SPOCK3: variants seen among roughly 807,000 people sequenced by gnomAD.
SPOCK3 encodes SPARC (osteonectin), cwcv and kazal like domains proteoglycan 3.
A neutral mutation model predicts 56.6 loss-of-function variants in SPOCK3; 30 were observed. The ratio of observed to expected loss-of-function variants is 0.53; its 90% CI spans 0.40 to 0.72. The LOEUF is 0.72. Among genes scored for constraint, SPOCK3 ranks in the 30% least tolerant of loss-of-function variants. The probability of loss-of-function intolerance (pLI) is 0.00; values close to 1 mark genes in which losing one functional copy is unlikely to be tolerated. For missense variants in SPOCK3, 527 were observed against 530.0 expected (o/e 0.99, Z 0.06); for synonymous variants, 196 against 183.3 (o/e 1.07, Z -0.56).
chr4:167,027,322 G>A (rs1751785786), intron 3 of SPOCK3, among the ~76,000 whole-genome samples: 1 of 151,924 alleles, frequency 6.6e-6, no homozygotes, highest in Admixed American at 6.6e-5. Context: ...TTTTGTCAAT[G>A]TTTACATGTT....
chr4:166,892,215 T>C (rs998871988), intron 5 of SPOCK3, among the ~76,000 whole-genome samples: 2 of 151,984 alleles, frequency 1.3e-5, no homozygotes, highest in Admixed American at 1.3e-4. Context: ...TTGGCATAAT[T>C]ACAATTTAAA....
chr4:167,078,364 G>C (rs1757397345), intron 2 of SPOCK3, among the ~76,000 whole-genome samples: 1 of 113,052 alleles, frequency 8.8e-6, no homozygotes, highest in Admixed American at 9.1e-5. Context: ...GTGTGTGTGT[G>C]TGTGTTTGCA....
chr4:167,184,409 C>T (rs1731776121), intron 2 of SPOCK3, among the ~76,000 whole-genome samples: 3 of 152,240 alleles, frequency 2.0e-5, no homozygotes, highest in South Asian at 2.1e-4. Flanking sequence ...GGTACTCTGT[C>T]GTATCCAGCA....
chr4:167,038,335 G>A (rs1225496803), intron 3 of SPOCK3, among the ~76,000 whole-genome samples: 1 of 152,106 alleles, frequency 6.6e-6, no homozygotes, highest in Non-Finnish European at 1.5e-5. Flanking sequence ...TTATGTTTAC[G>A]GCTCACTTCA....
At position 167,203,515 on chromosome 4, in the gene SPOCK3, A is replaced by C. The variant is rs1733720215; in HGVS notation, c.189+30470T>G. Among the ~76,000 whole-genome samples the C allele has an allele frequency of 2.0e-5, 3 of 151,780 alleles. No individual in the cohort carries two copies. The South Asian group carries it at 6.2e-4, about 32-fold the overall frequency. On this transcript the variant is annotated intron_variant, in intron 2 of 10. Coordinates refer to ENST00000357545, the MANE Select transcript of SPOCK3 (RefSeq NM_001040159.2). ...ATATTTGTCACTGAAACCTGAGATG[A>C]GACTGCTTAGGAGATCACAGAAAAG...
At chr4:167,203,669 A>G (rs778241654) in intron 2 of SPOCK3, among the ~76,000 whole-genome samples, 7 of 152,186 alleles carry the variant, frequency 4.6e-5, no homozygotes, top group Non-Finnish European at 8.8e-5. Context: ...GCCAATTACG[A>G]CCTTGTAGAA....
intron 2 of SPOCK3, among the ~76,000 whole-genome samples, chr4:167,219,245 T>C (rs1735662847): frequency 6.6e-6 from 1 of 152,134 alleles, no homozygotes; most frequent in Admixed American, 6.6e-5. Context: ...TTTCACACTA[T>C]ACTGTATGCC....
At chr4:167,139,497 A>C (rs148332539) in intron 2 of SPOCK3, among the ~76,000 whole-genome samples, 5 of 152,172 alleles carry the variant, frequency 3.3e-5, no homozygotes, top group African/African-American at 7.2e-5. Flanking sequence ...ATGAAATAGA[A>C]ACACATGAAC....
chr4:167,164,209 T>A (rs1032841101), intron 2 of SPOCK3, among the ~76,000 whole-genome samples: 1 of 152,130 alleles, frequency 6.6e-6, no homozygotes, highest in Non-Finnish European at 1.5e-5. Context: ...AATTTATTCA[T>A]TTTTGTATCA....
At chr4:166,818,353 GC>G (rs1241128976) in intron 6 of SPOCK3, among the ~76,000 whole-genome samples, 1 of 151,838 alleles carries the variant, frequency 6.6e-6, no homozygotes, top group Non-Finnish European at 1.5e-5. Flanking sequence ...ATAAATGTTA[GC>G]TTTTTTATGT....
chr4:167,123,880 G>A (rs557125776), intron 2 of SPOCK3, among the ~76,000 whole-genome samples: 137 of 151,698 alleles, frequency 9.0e-4, no homozygotes, highest in Middle Eastern at 3.4e-3. Context: ...CAAGTAGCTG[G>A]GACTACAGGT....
intron 3 of SPOCK3, among the ~76,000 whole-genome samples, chr4:167,023,733 T>C (rs1751421745): frequency 6.6e-6 from 1 of 152,102 alleles, no homozygotes; most frequent in East Asian, 1.9e-4. Flanking sequence ...TACAGCGATA[T>C]GGTGAGACTA....
intron 3 of SPOCK3, among the ~76,000 whole-genome samples, chr4:167,018,485 T>C (rs1411396169): frequency 6.6e-6 from 1 of 152,108 alleles, no homozygotes; most frequent in East Asian, 1.9e-4. Context: ...CTATAGCCAT[T>C]CGCCCAGAAT....
chr4:167,056,799 T>A (rs930906366), intron 3 of SPOCK3, among the ~76,000 whole-genome samples: 14 of 152,068 alleles, frequency 9.2e-5, no homozygotes, highest in Admixed American at 5.2e-4. Flanking sequence ...AAAGACCAAA[T>A]CTACGCCTGA....
intron 2 of SPOCK3, among the ~76,000 whole-genome samples, chr4:167,179,816 G>T (rs1168036073): frequency 1.3e-5 from 2 of 152,148 alleles, no homozygotes; most frequent in African/African-American, 4.8e-5. Flanking sequence ...GAACTAAGAA[G>T]AAATCTTTCA....
At chr4:167,123,106 C>A (rs1761994488) in intron 2 of SPOCK3, among the ~76,000 whole-genome samples, 2 of 151,706 alleles carry the variant, frequency 1.3e-5, no homozygotes, top group South Asian at 2.1e-4. Flanking sequence ...TAAAAAGTAT[C>A]ATTTTAGTCT....
At chr4:167,151,228 G>A (rs1261038100) in intron 2 of SPOCK3, among the ~76,000 whole-genome samples, 1 of 152,074 alleles carries the variant, frequency 6.6e-6, no homozygotes, top group African/African-American at 2.4e-5. Context: ...ACGCGTAGTC[G>A]AGTTAAAATT....
rs1250777653 is a variant in SPOCK3, at chr4:166,748,363, C to A, written c.931+6145G>T. ...TACAACCATCTGATCTTTGACAAAC[C>A]TGACAAAAACAAGAAATGGGGAAAG... On this transcript the variant is annotated intron_variant, in intron 8 of 10. Transcript: ENST00000357545. Among the ~76,000 whole-genome samples, 8 of 136,884 alleles carry A rather than the reference C, an allele frequency of 5.8e-5. 1 individual carries two copies. Among genetic ancestry groups the A allele is most frequent in the South Asian group, 4.4e-4 (2 of 4,518 alleles). The allele number at this position is 136,884 out of a possible 152,430, so 89.8% of individuals were successfully genotyped here. A position where few individuals can be genotyped will look rare whatever the true frequency, so the allele number is the denominator to read the frequency against.
chr4:166,749,373 A>C (rs1736068328), intron 8 of SPOCK3, among the ~76,000 whole-genome samples: 2 of 91,420 alleles, frequency 2.2e-5, no homozygotes, highest in South Asian at 2.8e-4. Context: ...CATTCTGAGC[A>C]AACTATCACA....
Sources: gnomAD v4.1 joint callset for allele counts (sites outside exome capture counted in the v4.1 genomes callset) on GRCh38, gnomAD v4.1.1 for gene constraint, MANE v1.5 for transcripts, NCBI Gene and HGNC (gene_info 2026-07-23, HGNC 2026-07-21) for gene names.